The following ACOT9 variants were observed in gnomAD, a reference collection of about 807,000 sequenced individuals.
The protein encoded by ACOT9 is acyl-CoA thioesterase 9, also known as acyl-coenzyme A thioesterase 9, mitochondrial.
Under a neutral mutation model 39.7 loss-of-function variants are expected in ACOT9, and 34 were observed. The ratio of observed to expected loss-of-function variants is 0.86; its 90% CI spans 0.65 to 1.14. ACOT9 has a LOEUF of 1.14. Ranked by LOEUF, ACOT9 falls within the 50% of genes most tolerant of loss-of-function variation. The probability of loss-of-function intolerance (pLI) is 0.00; values close to 1 mark genes in which losing one functional copy is unlikely to be tolerated. For synonymous variants in ACOT9, 110 were observed against 120.5 expected, an observed-to-expected ratio of 0.91 and a Z score of 0.57; for missense variants, 313 against 344.1, an observed-to-expected ratio of 0.91 and a Z score of 0.71.
Position 23,730,522 on chromosome X carries a change from A to C in ACOT9, c.400+5T>G. The C allele has an allele frequency of 8.3e-7, 1 of 1,199,451 alleles. No homozygotes were observed. The highest frequency in any genetic ancestry group is 1.1e-6 in the Non-Finnish European group (1 of 884,427). On this transcript the variant is annotated splice_donor_5th_base_variant and intron_variant, in intron 6 of 15. Transcript: ENST00000379303. ...CTATTAGAAAGACTAAAATAATACC[A>C]GTACCTCCCAAGCTGTCAAGATCCT...
chrX:23,705,089 G>A lies in ACOT9; in HGVS notation c.1020-9C>T. 8.3e-7 allele frequency: 1 copy of A among 1,202,441 alleles called. No individual in the cohort carries two copies. Among genetic ancestry groups the A allele is most frequent in the Non-Finnish European group, 1.1e-6 (1 of 889,296 alleles). ...CAAACGGTCGAGAACCACTGTTGGG[G>A]GAAAGGACAGAATTTGGGGTATATT... On this transcript the variant is annotated splice_polypyrimidine_tract_variant and intron_variant, in intron 13 of 15. Coordinates refer to ENST00000379303, the MANE Select transcript of ACOT9 (RefSeq NM_001037171.2).
intron 12 of ACOT9, 77 bp from the exon 13 acceptor site, chrX:23,705,671 G>T: frequency 9.0e-7 from 1 of 1,114,354 alleles, no homozygotes. Context: ...AATTAACAAT[G>T]CCACAGGACA....
chrX:23,722,377 G>A (rs1426609286), intron 7 of ACOT9, among the ~76,000 whole-genome samples: 1 of 110,813 alleles, frequency 9.0e-6, no homozygotes, highest in African/African-American at 3.3e-5. Context: ...CAGCCTGGCC[G>A]ACATGGTGTA....
chrX:23,713,534 G>C (rs1219665663), intron 8 of ACOT9, among the ~76,000 whole-genome samples: 6 of 101,889 alleles, frequency 5.9e-5, no homozygotes, highest in Non-Finnish European at 1.2e-4. Flanking sequence ...AGCCGAGATT[G>C]CAGGCCCCTG....
intron 1 of ACOT9, 138 bp downstream of exon 1, chrX:23,742,987 G>A: frequency 1.3e-6 from 1 of 770,327 alleles, no homozygotes; most frequent in Non-Finnish European, 1.7e-6. Flanking sequence ...GGTACAGTGG[G>A]CGAGCGCCCC....
intron 1 of ACOT9, among the ~76,000 whole-genome samples, chrX:23,740,863 C>T (rs754723470): frequency 9.1e-6 from 1 of 110,028 alleles, no homozygotes; most frequent in Non-Finnish European, 1.9e-5. Context: ...CCTCAGGAGT[C>T]TTACTTATAG....
chrX:23,738,597 C>T (rs1291519658), intron 1 of ACOT9, among the ~76,000 whole-genome samples: 3 of 111,239 alleles, frequency 2.7e-5, no homozygotes, highest in Non-Finnish European at 5.7e-5. Flanking sequence ...CAGAGCAAGA[C>T]TCCATCTCAA....
intron 1 of ACOT9, among the ~76,000 whole-genome samples, chrX:23,737,872 CTTT>C (rs761904560): frequency 4.0e-5 from 3 of 75,196 alleles, no homozygotes; most frequent in Non-Finnish European, 7.1e-5. Flanking sequence ...TAATATTTGT[CTTT>C]TTTTTTTTTT....
chrX:23,724,010 C>A (rs1382079444), intron 6 of ACOT9, among the ~76,000 whole-genome samples: 1 of 112,030 alleles, frequency 8.9e-6, no homozygotes, highest in Non-Finnish European at 1.9e-5. Flanking sequence ...TGCCTGTAAT[C>A]CCAACACTTT....
At chrX:23,730,643 G>A in intron 5 of ACOT9, 79 bp from the exon 6 acceptor site, 1 of 1,027,370 alleles carries the variant, frequency 9.7e-7, no homozygotes, top group Non-Finnish European at 1.4e-6. Flanking sequence ...ACTTCAGGGT[G>A]ATGAAAATGT....
At chrX:23,718,135 G>A (rs1415175251) in intron 8 of ACOT9, among the ~76,000 whole-genome samples, 1 of 110,415 alleles carries the variant, frequency 9.1e-6, no homozygotes, top group Non-Finnish European at 1.9e-5. Context: ...GATAGGCACT[G>A]TACCAAAGTA....
At chrX:23,735,514 G>C (rs987651030) in intron 2 of ACOT9, among the ~76,000 whole-genome samples, 3 of 111,403 alleles carry the variant, frequency 2.7e-5, no homozygotes, top group African/African-American at 9.8e-5. Context: ...ACAATCCATA[G>C]TTTACGTATC....
chrX:23,728,999 G>T (rs1296489541), intron 6 of ACOT9, among the ~76,000 whole-genome samples: 2 of 110,962 alleles, frequency 1.8e-5, no homozygotes, highest in East Asian at 5.6e-4. Flanking sequence ...AGTAACATAG[G>T]AATTCCTGAG....
intron 4 of ACOT9, among the ~76,000 whole-genome samples, chrX:23,732,114 C>T (rs894654716): frequency 2.7e-5 from 3 of 111,806 alleles, no homozygotes; most frequent in South Asian, 3.7e-4. Context: ...AGGGGAAGGA[C>T]GACTGTCCAT....
Position 23,731,001 on chromosome X carries a change from T to A in ACOT9, c.192-15A>T. 8.3e-7 allele frequency: 1 copy of A among 1,198,840 alleles called. No homozygotes were observed. On this transcript the variant is annotated splice_polypyrimidine_tract_variant and intron_variant, in intron 4 of 15. Transcript: ENST00000379303. ...TCACATGGTCTCTGAGAAGAAAGGA[T>A]GCAGGATTCATAAAACAAGAGCAGT...
intron 1 of ACOT9, among the ~76,000 whole-genome samples, chrX:23,739,838 G>A (rs1352349900): frequency 9.1e-6 from 1 of 110,237 alleles, no homozygotes; most frequent in Non-Finnish European, 1.9e-5. Flanking sequence ...CACTATCACG[G>A]ACCACTGCCA....
intron 8 of ACOT9, among the ~76,000 whole-genome samples, chrX:23,720,093 A>G (rs1445094767): frequency 8.9e-6 from 1 of 112,684 alleles, no homozygotes; most frequent in South Asian, 3.6e-4. Context: ...TTGGCCTCCC[A>G]AAGTGCTGGG....
chrX:23,721,046 T>G (rs1929299419), intron 8 of ACOT9, among the ~76,000 whole-genome samples: 1 of 111,390 alleles, frequency 9.0e-6, no homozygotes, highest in African/African-American at 3.3e-5. Context: ...AAGACCAGCC[T>G]GGGCAACATG....
rs200042097 is a variant in ACOT9 at position 23,703,928 on chromosome X, G to A, written c.1313C>T (p.Ala438Val). 312 of 1,208,692 alleles carry A rather than the reference G, an allele frequency of 2.6e-4. No homozygotes were observed. The highest frequency in any genetic ancestry group is 1.1e-4 in the Non-Finnish European group (97 of 894,567). Residue 438 changes from alanine to valine, a missense_variant, in exon 16 of 16, where the codon GCG becomes GTG. Transcript: ENST00000379303. ...QRHFNSMSGPATLRKDYLVEP is the reference protein window; with the variant it reads ...QRHFNSMSGPVTLRKDYLVEP ...CACAAGGTAGTCCTTTCTCAAGGTC[G>A]CTGGGCCACTCATGGAGTTGAAATG...
Sources: allele counts gnomAD v4.1 joint callset (sites outside exome capture counted in the v4.1 genomes callset), GRCh38; gene constraint gnomAD v4.1.1; transcripts MANE v1.5; gene names NCBI Gene and HGNC (gene_info 2026-07-23, HGNC 2026-07-21).